The following ATG7 variants were observed in gnomAD, a reference collection of about 807,000 sequenced individuals.
The protein encoded by ATG7 is autophagy related 7.
A neutral mutation model predicts 82.4 loss-of-function variants in ATG7; 70 were observed. The ratio of observed to expected loss-of-function variants is 0.85; its 90% CI spans 0.70 to 1.04. The LOEUF (loss-of-function observed/expected upper bound fraction) is 1.04, where lower values mean the gene tolerates loss of function less well. Among genes scored for constraint, ATG7 ranks in the 50% least tolerant of loss-of-function variants. The pLI is 0.00. For synonymous variants in ATG7, 287 were observed against 313.0 expected, an observed-to-expected ratio of 0.92 and a Z score of 0.88; for missense variants, 792 against 864.3, an observed-to-expected ratio of 0.92 and a Z score of 1.05.
At chr3:11,484,453 C>T (rs2089387584) in intron 20 of ATG7, among the ~76,000 whole-genome samples, 1 of 152,160 alleles carries the variant, frequency 6.6e-6, no homozygotes, top group Non-Finnish European at 1.5e-5. Context: ...AGGGTTAAGT[C>T]TTCAAAGCTG....
intron 19 of ATG7, among the ~76,000 whole-genome samples, chr3:11,389,401 T>C (rs936817899): frequency 9.2e-5 from 14 of 151,812 alleles, no homozygotes; most frequent in African/African-American, 3.4e-4. Context: ...TTCTCTAGTT[T>C]TATATAATTC....
At chr3:11,435,387 C>T (rs2083281298) in intron 20 of ATG7, among the ~76,000 whole-genome samples, 1 of 152,162 alleles carries the variant, frequency 6.6e-6, no homozygotes, top group Non-Finnish European at 1.5e-5. Context: ...CAAATCCACC[C>T]TGGCCATAAC....
At position 11,321,431 on chromosome 3, in the gene ATG7, CA is replaced by C. The variant is rs1404966120; in HGVS notation, c.678+5939del. On this transcript the variant is annotated intron_variant, in intron 9 of 20. Coordinates refer to ENST00000693202, the MANE Select transcript of ATG7 (RefSeq NM_001349232.2). ...TGGTCTCAGTTTTGACCGTGACCAGCATGCAGCTGGTCACTCATACATGTTA... is the reference window on the plus strand; with the variant it reads ...TGGTCTCAGTTTTGACCGTGACCAGCTGCAGCTGGTCACTCATACATGTTA... 2.6e-5 allele frequency among the ~76,000 whole-genome samples: 4 copies of C among 151,992 alleles called. No homozygotes were observed. The East Asian group carries it at 7.7e-4, about 29-fold the overall frequency.
At chr3:11,288,142 A>G (rs1382801408) in intron 3 of ATG7, among the ~76,000 whole-genome samples, 1 of 152,248 alleles carries the variant, frequency 6.6e-6, no homozygotes, top group African/African-American at 2.4e-5. Context: ...TGCCTGATAC[A>G]GCAATCCTTT....
intron 20 of ATG7, among the ~76,000 whole-genome samples, chr3:11,505,398 C>A (rs963716378): frequency 4.5e-4 from 68 of 152,124 alleles, no homozygotes; most frequent in Admixed American, 1.3e-4. Context: ...CCCTTGGTGT[C>A]TGTGTTGTTT....
the ATG7 span, among the ~76,000 whole-genome samples, chr3:11,573,243 TAGAG>T: frequency 9.2e-5 from 4 of 43,474 alleles, no homozygotes; most frequent in Non-Finnish European, 1.8e-4. Flanking sequence ...AGAAAAGAAA[TAGAG>T]AAAGAAAGAA....
chr3:11,497,969 G>T (rs550640483), intron 20 of ATG7, among the ~76,000 whole-genome samples: 1 of 152,238 alleles, frequency 6.6e-6, no homozygotes, highest in Middle Eastern at 3.4e-3. Context: ...TCGGGTAGAC[G>T]TGAGCCTTCT....
intron 9 of ATG7, among the ~76,000 whole-genome samples, chr3:11,318,190 G>A (rs1949710358): frequency 6.6e-6 from 1 of 152,056 alleles, no homozygotes. Flanking sequence ...TCTGCTTGTC[G>A]GATTCAGGCA....
rs570799016 is a variant in ATG7 at position 11,451,864 on chromosome 3, T to C, written c.2079+24938T>C. Reference sequence around the variant, plus strand: ...CTCTCTCTCTATATATATATACGCCTTTACATACACACACACACACAGACA... The same window carrying C: ...CTCTCTCTCTATATATATATACGCCCTTACATACACACACACACACAGACA... On this transcript the variant is annotated intron_variant, in intron 20 of 20. Coordinates refer to ENST00000693202, the MANE Select transcript of ATG7 (RefSeq NM_001349232.2). 6.5e-3 allele frequency among the ~76,000 whole-genome samples: 960 copies of C among 147,808 alleles called. 13 individuals carry two copies. The highest frequency in any genetic ancestry group is 0.023 in the African/African-American group (932 of 39,840).
chr3:11,373,578 C>T (rs1335022092), intron 18 of ATG7, among the ~76,000 whole-genome samples: 2 of 152,174 alleles, frequency 1.3e-5, no homozygotes, highest in African/African-American at 4.8e-5. Flanking sequence ...TAGAAAAACA[C>T]TGAGCAACAC....
At chr3:11,478,542 T>C (rs963552829) in intron 20 of ATG7, among the ~76,000 whole-genome samples, 1 of 152,236 alleles carries the variant, frequency 6.6e-6, no homozygotes, top group Non-Finnish European at 1.5e-5. Flanking sequence ...CCACTATCTC[T>C]GACTATTAAA....
At chr3:11,567,112 G>C in the ATG7 span, among the ~76,000 whole-genome samples, 1 of 152,134 alleles carries the variant, frequency 6.6e-6, no homozygotes, top group Non-Finnish European at 1.5e-5. Flanking sequence ...GTGATGTTGT[G>C]ATGTCATTCT....
rs144930915 is a variant in ATG7, at chr3:11,535,447, G to T, written c.2080-19364G>T. 3.2e-3 allele frequency among the ~76,000 whole-genome samples: 487 copies of T among 152,104 alleles called. 3 individuals carry two copies. The highest frequency in any genetic ancestry group is 0.012 in the South Asian group (56 of 4,824). Reference sequence around the variant, plus strand: ...CTTCTGCGTCGGCCCTCCCTGAGCAGGTTTGTATGGCAATCACAGGGGCCA... The same window carrying T: ...CTTCTGCGTCGGCCCTCCCTGAGCATGTTTGTATGGCAATCACAGGGGCCA... On this transcript the variant is annotated intron_variant, in intron 20 of 20. Transcript: ENST00000693202.
chr3:11,308,581 GTC>G (rs1176816025), intron 6 of ATG7: 3 of 174,114 alleles, frequency 1.7e-5, no homozygotes, highest in Non-Finnish European at 3.7e-5. Flanking sequence ...ATTTACGCCA[GTC>G]TCTCTATCTA....
chr3:11,482,804 T>C (rs965797009), intron 20 of ATG7, among the ~76,000 whole-genome samples: 1 of 151,970 alleles, frequency 6.6e-6, no homozygotes, highest in Non-Finnish European at 1.5e-5. Context: ...TTTTTTTTTT[T>C]GAGGTTTATA....
intron 13 of ATG7, among the ~76,000 whole-genome samples, chr3:11,344,826 G>T (rs1017451265): frequency 2.0e-5 from 3 of 152,132 alleles, no homozygotes; most frequent in African/African-American, 7.2e-5. Flanking sequence ...CCAAGATCGT[G>T]CCACTGCTCT....
chr3:11,478,989 A>AACACACAC (rs71628717), intron 20 of ATG7, among the ~76,000 whole-genome samples: 81 of 72,888 alleles, frequency 1.1e-3, no homozygotes, highest in African/African-American at 2.6e-3. Flanking sequence ...GTATATTTAC[A>AACACACAC]ACACACACAC....
chr3:11,566,243 G>T, the ATG7 span, among the ~76,000 whole-genome samples: 2 of 151,836 alleles, frequency 1.3e-5, no homozygotes, highest in Admixed American at 1.3e-4. Flanking sequence ...ACACACACAC[G>T]CATGTGATAG....
chr3:11,316,530 TA>T (rs1949437240), intron 9 of ATG7, among the ~76,000 whole-genome samples: 1 of 152,246 alleles, frequency 6.6e-6, no homozygotes, highest in South Asian at 2.1e-4. Context: ...GATCTATCCC[TA>T]TCTGAAGTCA....
Sources: gnomAD v4.1 joint callset for allele counts (sites outside exome capture counted in the v4.1 genomes callset) on GRCh38, gnomAD v4.1.1 for gene constraint, MANE v1.5 for transcripts, NCBI Gene and HGNC (gene_info 2026-07-23, HGNC 2026-07-21) for gene names.